CD55: variants seen among roughly 807,000 people sequenced by gnomAD.
The protein encoded by CD55 is complement decay-accelerating factor.
In CD55, 41 loss-of-function variants were observed where a neutral mutation model predicts 45.8. The observed-to-expected ratio is 0.90, with a 90% CI of 0.70 to 1.16. CD55 has a LOEUF of 1.16. Among genes scored for constraint, CD55 ranks in the 50% most tolerant of loss-of-function variants. CD55 has a pLI of 0.00. For synonymous variants in CD55, 181 were observed against 181.1 expected, an observed-to-expected ratio of 1.00 and a Z score of 0.01; for missense variants, 416 against 469.8, an observed-to-expected ratio of 0.89 and a Z score of 1.06.
intron 9 of CD55, among the ~76,000 whole-genome samples, chr1:207,356,584 T>C (rs1656084071): frequency 6.6e-6 from 1 of 152,144 alleles, no homozygotes; most frequent in African/African-American, 2.4e-5. Flanking sequence ...CTTATATTAA[T>C]AGATGCCAGT....
chr1:207,345,234 T>A (rs543643279), intron 9 of CD55, among the ~76,000 whole-genome samples: 9 of 152,242 alleles, frequency 5.9e-5, no homozygotes, highest in African/African-American at 2.2e-4. Flanking sequence ...CCCATTTTTT[T>A]ATTCTTTTTT....
chr1:207,322,502 G>A lies in CD55; in HGVS notation c.221G>A (p.Gly74Asp), dbSNP rs767031474. 5.6e-6 allele frequency: 9 copies of A among 1,614,214 alleles called. No homozygotes were observed. The highest frequency in any genetic ancestry group is 6.8e-6 in the Non-Finnish European group (8 of 1,180,030). ...KCEESFVKIP[G>D]EKDSVICLKG... The stretch of plus-strand genomic sequence containing the variant: ...GAAGAAAGCTTTGTGAAAATTCCTG[G>A]CGAGAAGGACTCAGTGATCTGCCTT... Residue 74 changes from glycine to aspartate, a missense_variant, in exon 2 of 10, where the codon GGC becomes GAC. Around this residue, in one of 3 missense-constraint regions of CD55, gnomAD observed 123 missense variants for 105.1 expected, o/e 1.17. Coordinates refer to ENST00000367064, the MANE Select transcript of CD55 (RefSeq NM_000574.5).
intron 9 of CD55, chr1:207,347,265 A>ATT (rs878860129): frequency 1.6e-4 from 66 of 401,194 alleles, no homozygotes; most frequent in Middle Eastern, 3.6e-4. Flanking sequence ...GGGTAAACAC[A>ATT]TTTTTTTTTT....
intron 6 of CD55, among the ~76,000 whole-genome samples, chr1:207,336,050 C>T (rs1655159278): frequency 6.6e-6 from 1 of 152,162 alleles, no homozygotes; most frequent in African/African-American, 2.4e-5. Context: ...GGCAGTTGGG[C>T]TCTGAAGACT....
At chr1:207,339,610 C>T (rs1032144491) in intron 9 of CD55, among the ~76,000 whole-genome samples, 193 bp downstream of exon 9, 4 of 152,156 alleles carry the variant, frequency 2.6e-5, no homozygotes, top group Non-Finnish European at 5.9e-5. Flanking sequence ...CTCATATACT[C>T]GCTCGGATTC....
chr1:207,337,052 C>T, intron 7 of CD55: 1 of 614,468 alleles, frequency 1.6e-6, no homozygotes, highest in African/African-American at 1.8e-5. Context: ...TCTTCAGAAA[C>T]CCACCAGAGC....
At chr1:207,347,945 G>T (rs997665485) in intron 9 of CD55, among the ~76,000 whole-genome samples, 1 of 151,956 alleles carries the variant, frequency 6.6e-6, no homozygotes, top group African/African-American at 2.4e-5. Context: ...ATATCCCGTG[G>T]TGTATATATA....
Position 207,321,747 on chromosome 1 carries a change from T to G in CD55, c.-19T>G. 6.7e-7 allele frequency: 1 copy of G among 1,498,014 alleles called. No individual in the cohort carries two copies. The highest frequency in any genetic ancestry group is 8.9e-7 in the Non-Finnish European group (1 of 1,129,714). The allele number at this position is 1,498,014 out of a possible 1,614,324, so 92.8% of individuals were successfully genotyped here. On this transcript the variant is annotated 5_prime_UTR_variant, in exon 1 of 10. Coordinates refer to ENST00000367064, the MANE Select transcript of CD55 (RefSeq NM_000574.5). ...CGGCGGAGTCCCGGCGGCGCGTCCT[T>G]GTTCTAACCCGGCGCGCCATGACCG...
chr1:207,350,569 C>T (rs192198241), intron 9 of CD55, among the ~76,000 whole-genome samples: 95 of 152,198 alleles, frequency 6.2e-4, no homozygotes, highest in African/African-American at 2.2e-3. Context: ...TAATTTCTTC[C>T]TGGTTCAATC....
chr1:207,331,953 C>T (rs888704175), intron 6 of CD55, among the ~76,000 whole-genome samples: 21 of 152,196 alleles, frequency 1.4e-4, no homozygotes, highest in Admixed American at 3.3e-4. Flanking sequence ...TGAATACCAA[C>T]ATGACTCAAG....
At chr1:207,342,048 AT>A (rs1393602782) in intron 9 of CD55, among the ~76,000 whole-genome samples, 1 of 151,720 alleles carries the variant, frequency 6.6e-6, no homozygotes, top group East Asian at 1.9e-4. Context: ...CAGTTTGTTC[AT>A]TATTGTATAG....
intron 9 of CD55, among the ~76,000 whole-genome samples, chr1:207,355,590 A>G (rs1656047991): frequency 6.6e-6 from 1 of 152,312 alleles, no homozygotes; most frequent in East Asian, 1.9e-4. Flanking sequence ...GGCAAAGTAA[A>G]TATAGTTTGC....
At position 207,321,883 on chromosome 1, in the gene CD55, G is replaced by A; in HGVS notation, c.100+18G>A. The stretch of plus-strand genomic sequence containing the variant: ...CGTGTGGGGTGAGTAGGGGCCCGGC[G>A]GCCGGGGAAGCCCCTGGGCTGGGTG... On this transcript the variant is annotated intron_variant, in intron 1 of 9. Coordinates refer to ENST00000367064, the MANE Select transcript of CD55 (RefSeq NM_000574.5). 1.3e-6 allele frequency: 2 copies of A among 1,498,836 alleles called. No individual in the cohort carries two copies. The highest frequency in any genetic ancestry group is 1.2e-5 in the South Asian group (1 of 80,992). The allele number at this position is 1,498,836 out of a possible 1,614,324, so 92.8% of individuals were successfully genotyped here.
chr1:207,322,051 G>T (rs1420506376), intron 1 of CD55, among the ~76,000 whole-genome samples, 186 bp downstream of exon 1: 2 of 152,232 alleles, frequency 1.3e-5, no homozygotes, highest in Non-Finnish European at 2.9e-5. Flanking sequence ...TGCTGTGTCG[G>T]CCCCCAGCTG....
chr1:207,330,908 T>C (rs1369682655), intron 5 of CD55, among the ~76,000 whole-genome samples, 200 bp from the exon 6 acceptor site: 1 of 152,226 alleles, frequency 6.6e-6, no homozygotes, highest in Non-Finnish European at 1.5e-5. Context: ...ATTTGTCTTC[T>C]ACACCATTTG....
rs1656252498 is a variant in CD55 at position 207,360,378 on chromosome 1, TTATTTA to T, written c.*776_*781del. 6.6e-6 allele frequency: 1 copy of T among 152,160 alleles called. No homozygotes were observed. The highest frequency in any genetic ancestry group is 1.5e-5 in the Non-Finnish European group (1 of 68,004). 9.4% of individuals were successfully genotyped at this position (152,160 alleles called of 1,614,324 possible). On this transcript the variant is annotated 3_prime_UTR_variant, in exon 10 of 10. Transcript: ENST00000367064. ...TGTAAATCTTATTCTTTTGTAATAT[TTATTTA>T]TATTTATTTATGACAGTGAACATTC...
chr1:207,347,301 C>T (rs1572896430), intron 9 of CD55: 2 of 440,460 alleles, frequency 4.5e-6, no homozygotes, highest in East Asian at 1.4e-4. Context: ...GCTCTGTCAC[C>T]CAGGCTGGAG....
chr1:207,354,205 A>G, intron 9 of CD55: 1 of 1,295,728 alleles, frequency 7.7e-7, no homozygotes. Flanking sequence ...AATATCAGGT[A>G]TTTTATTGAA....
intron 6 of CD55, among the ~76,000 whole-genome samples, chr1:207,331,929 C>T (rs28371614): frequency 0.28 from 42,303 of 151,790 alleles, 6,161 homozygotes; most frequent in African/African-American, 0.35. Context: ...CAATAGGTGG[C>T]GTTTAAGTAG....
Sources: gnomAD v4.1 joint callset for allele counts (sites outside exome capture counted in the v4.1 genomes callset) on GRCh38, gnomAD v4.1.1 for gene constraint, gnomAD v4.1.1 regional missense constraint, MANE v1.5 for transcripts, NCBI Gene and HGNC (gene_info 2026-07-23, HGNC 2026-07-21) for gene names.